CTNND2: variants seen among roughly 807,000 people sequenced by gnomAD.
CTNND2 encodes the protein catenin delta-2.
CTNND2 carries 22 observed loss-of-function variants against 144.4 expected under a neutral mutation model. The observed-to-expected ratio is 0.15, with a 90% CI of 0.11 to 0.22. The LOEUF is 0.22. Ranked by LOEUF, CTNND2 falls within the 10% of genes least tolerant of loss-of-function variation. The probability of loss-of-function intolerance (pLI) is 1.00; values close to 1 mark genes in which losing one functional copy is unlikely to be tolerated. For missense variants in CTNND2, 1,353 were observed against 1,618.8 expected, an observed-to-expected ratio of 0.84 and a Z score of 2.82; for synonymous variants, 751 against 695.6, an observed-to-expected ratio of 1.08 and a Z score of -1.25.
rs754570566 is a variant in CTNND2, at chr5:11,236,745, G to A, written c.1707C>T (p.Asn569=). 10 of 1,614,142 alleles carry A rather than the reference G, an allele frequency of 6.2e-6. No individual in the cohort carries two copies. In the East Asian group the frequency reaches 8.9e-5, roughly 14 times the overall value. ...LQHQFPSVQS[N]AAAYLQHLCF... The stretch of plus-strand genomic sequence containing the variant: ...AGAGGTGTTGCAAGTAGGCTGCCGC[G>A]TTAGACTGGACCGAGGGAAACTGGT... The change falls in exon 10 of 22, where the codon AAC becomes AAT. Residue 569 remains asparagine (N), a synonymous_variant. Transcript: ENST00000304623.
At chr5:11,825,174 T>G (rs1392176587) in intron 1 of CTNND2, among the ~76,000 whole-genome samples, 1 of 152,030 alleles carries the variant, frequency 6.6e-6, no homozygotes, top group African/African-American at 2.4e-5. Context: ...ATTGAAACTA[T>G]CACATAGGAA....
At chr5:11,741,795 A>G (rs1788032155) in intron 1 of CTNND2, among the ~76,000 whole-genome samples, 1 of 148,198 alleles carries the variant, frequency 6.7e-6, no homozygotes, top group South Asian at 2.1e-4. Flanking sequence ...TATAGTATAC[A>G]TGTATATATT....
At chr5:10,990,799 A>G (rs1196413726) in intron 19 of CTNND2, among the ~76,000 whole-genome samples, 2 of 152,146 alleles carry the variant, frequency 1.3e-5, no homozygotes, top group Non-Finnish European at 2.9e-5. Flanking sequence ...TCGCCTAGGA[A>G]GTCCTGAGGC....
At chr5:11,238,751 T>C (rs1156920133) in intron 9 of CTNND2, among the ~76,000 whole-genome samples, 2 of 152,096 alleles carry the variant, frequency 1.3e-5, no homozygotes, top group African/African-American at 4.8e-5. Context: ...ACACTATATA[T>C]ATACACACAC....
intron 9 of CTNND2, among the ~76,000 whole-genome samples, chr5:11,343,904 G>T (rs1362949612): frequency 6.6e-6 from 1 of 152,060 alleles, no homozygotes; most frequent in Non-Finnish European, 1.5e-5. Flanking sequence ...TATTTCAAAA[G>T]CTTGAAAACA....
Position 11,649,784 on chromosome 5 carries a change from G to A in CTNND2, c.174+82352C>T, listed in dbSNP as rs375565255. ...GGTTTTATATTATTAATATAGCTAA[G>A]GTTTACAGTTTTTACTGTATTGTAG... On this transcript the variant is annotated intron_variant, in intron 2 of 21. Transcript: ENST00000304623. 2.6e-4 allele frequency among the ~76,000 whole-genome samples: 40 copies of A among 152,160 alleles called. 1 individual carries two copies. The South Asian group carries it at 7.9e-3, about 30-fold the overall frequency.
intron 2 of CTNND2, among the ~76,000 whole-genome samples, chr5:11,641,020 A>G (rs888783231): frequency 2.0e-5 from 3 of 152,068 alleles, no homozygotes; most frequent in Admixed American, 2.0e-4. Flanking sequence ...AAAACCCAAC[A>G]TGTCAGTGTT....
At chr5:11,414,348 T>TA (rs1176018735) in intron 3 of CTNND2, among the ~76,000 whole-genome samples, 1 of 152,168 alleles carries the variant, frequency 6.6e-6, no homozygotes, top group Non-Finnish European at 1.5e-5. Flanking sequence ...AGGAAACAGA[T>TA]ACAACAAAAA....
chr5:11,245,086 G>A (rs967148198), intron 9 of CTNND2, among the ~76,000 whole-genome samples: 1 of 152,192 alleles, frequency 6.6e-6, no homozygotes, highest in African/African-American at 2.4e-5. Context: ...CATCAAATTT[G>A]ATTATTTCCT....
At chr5:11,736,302 T>C (rs1374195738) in intron 1 of CTNND2, among the ~76,000 whole-genome samples, 2 of 152,214 alleles carry the variant, frequency 1.3e-5, no homozygotes, top group African/African-American at 4.8e-5. Flanking sequence ...CCACACAGTA[T>C]GGGGAATAAT....
At chr5:11,783,760 G>A (rs1427578832) in intron 1 of CTNND2, among the ~76,000 whole-genome samples, 2 of 152,138 alleles carry the variant, frequency 1.3e-5, no homozygotes, top group Non-Finnish European at 2.9e-5. Context: ...CACCAACCAG[G>A]AAATCCTCTA....
At chr5:11,723,328 T>C (rs911265989) in intron 2 of CTNND2, among the ~76,000 whole-genome samples, 8 of 152,068 alleles carry the variant, frequency 5.3e-5, no homozygotes, top group African/African-American at 1.9e-4. Context: ...AAACTGAAAA[T>C]ATCTCATTCC....
chr5:11,901,339 G>C (rs1006447071), intron 1 of CTNND2, among the ~76,000 whole-genome samples: 4 of 152,156 alleles, frequency 2.6e-5, no homozygotes, highest in Non-Finnish European at 4.4e-5. Context: ...TATTATATTT[G>C]AGATTATAAC....
chr5:11,311,012 A>G (rs1354223630), intron 9 of CTNND2, among the ~76,000 whole-genome samples: 1 of 138,016 alleles, frequency 7.2e-6, no homozygotes, highest in Non-Finnish European at 1.5e-5. Flanking sequence ...CTCACCCCAC[A>G]CACACAATAC....
chr5:11,119,087 T>G (rs940933933), intron 12 of CTNND2, among the ~76,000 whole-genome samples: 4 of 152,046 alleles, frequency 2.6e-5, no homozygotes, highest in African/African-American at 4.8e-5. Context: ...GGCATGTCAG[T>G]CTTACGTCTC....
At chr5:11,057,454 C>A (rs1054363937) in intron 16 of CTNND2, among the ~76,000 whole-genome samples, 1 of 152,246 alleles carries the variant, frequency 6.6e-6, no homozygotes, top group Non-Finnish European at 1.5e-5. Context: ...CAAACTCTCT[C>A]TTTTTGCCTG....
At chr5:11,413,826 G>A (rs780397294) in intron 3 of CTNND2, among the ~76,000 whole-genome samples, 3 of 152,044 alleles carry the variant, frequency 2.0e-5, no homozygotes, top group Non-Finnish European at 4.4e-5. Flanking sequence ...TCTCAAGGTG[G>A]TATAATATTT....
chr5:11,433,607 T>C (rs1441191932), intron 3 of CTNND2, among the ~76,000 whole-genome samples: 2 of 152,150 alleles, frequency 1.3e-5, no homozygotes, highest in Non-Finnish European at 2.9e-5. Flanking sequence ...GGTGCATCAA[T>C]GGTGAGAACG....
chr5:11,189,507 A>G (rs1736027069), intron 11 of CTNND2, among the ~76,000 whole-genome samples: 1 of 152,200 alleles, frequency 6.6e-6, no homozygotes, highest in African/African-American at 2.4e-5. Flanking sequence ...ATCCACTCTT[A>G]CTTAATAAAG....
Sources: allele counts gnomAD v4.1 joint callset (sites outside exome capture counted in the v4.1 genomes callset), GRCh38; gene constraint gnomAD v4.1.1; transcripts MANE v1.5; gene names NCBI Gene and HGNC (gene_info 2026-07-23, HGNC 2026-07-21).